Variants in SULF1 observed in about 807,000 individuals in gnomAD.
The protein encoded by SULF1 is extracellular sulfatase Sulf-1.
Under a neutral mutation model 110.5 loss-of-function variants are expected in SULF1, and 46 were observed. The observed-to-expected ratio is 0.42, with a 90% CI of 0.33 to 0.53. SULF1 has a LOEUF of 0.53. SULF1 is among the 20% of genes least tolerant of loss of function. The pLI is 0.12. For synonymous variants in SULF1, 371 were observed against 387.1 expected (o/e 0.96, Z 0.49); for missense variants, 941 against 1,094.2 (o/e 0.86, Z 1.98).
At chr8:69,578,477 A>G (rs947428049) in intron 6 of SULF1, among the ~76,000 whole-genome samples, 2 of 147,474 alleles carry the variant, frequency 1.4e-5, no homozygotes, top group Non-Finnish European at 3.0e-5. Flanking sequence ...AGCATAAGGT[A>G]TATCTCCTAA....
intron 22 of SULF1, among the ~76,000 whole-genome samples, chr8:69,645,105 G>A (rs1221195127): frequency 2.6e-5 from 4 of 152,144 alleles, no homozygotes; most frequent in East Asian, 1.9e-4. Context: ...AGCCAGGGCC[G>A]CTGCGTGCAC....
At chr8:69,592,605 A>G (rs140196534) in intron 8 of SULF1, among the ~76,000 whole-genome samples, 4 of 152,204 alleles carry the variant, frequency 2.6e-5, no homozygotes, top group African/African-American at 9.6e-5. Flanking sequence ...TAAAATGGAG[A>G]TAATACTAAC....
chr8:69,575,794 T>C (rs1225800875), intron 5 of SULF1, among the ~76,000 whole-genome samples, 176 bp from the exon 6 acceptor site: 1 of 152,134 alleles, frequency 6.6e-6, no homozygotes, highest in Non-Finnish European at 1.5e-5. Flanking sequence ...CTTGAGATGG[T>C]AGGATCTCAA....
At position 69,658,253 on chromosome 8, in the gene SULF1, G is replaced by A. The variant is rs75170190; in HGVS notation, c.2586-252G>A. On this transcript the variant is annotated intron_variant, in intron 22 of 22. Transcript: ENST00000402687. Reference sequence around the variant, plus strand: ...CCCAAATCCCCTGGCTGAAAGGACCGTGCCATTTTCAGCACTAACCATGCT... The same window carrying A: ...CCCAAATCCCCTGGCTGAAAGGACCATGCCATTTTCAGCACTAACCATGCT... Among the ~76,000 whole-genome samples, 1,178 of 152,234 alleles carry A rather than the reference G, an allele frequency of 7.7e-3. 15 individuals are homozygous for A. The highest frequency in any genetic ancestry group is 0.026 in the African/African-American group (1,060 of 41,534).
chr8:69,494,021 A>G (rs115738869), intron 1 of SULF1, among the ~76,000 whole-genome samples: 1 of 150,904 alleles, frequency 6.6e-6, no homozygotes, highest in Non-Finnish European at 1.5e-5. Flanking sequence ...ATTTTGGGCA[A>G]TTGTACAATT....
intron 1 of SULF1, among the ~76,000 whole-genome samples, chr8:69,477,245 T>C (rs1809337498): frequency 6.6e-6 from 1 of 152,174 alleles, no homozygotes; most frequent in Non-Finnish European, 1.5e-5. Context: ...ACCTTTTCGA[T>C]GTAAAAACCA....
chr8:69,628,180 T>C lies in SULF1; in HGVS notation c.2052T>C (p.Asn684=), dbSNP rs370172405. 1.9e-6 allele frequency: 3 copies of C among 1,613,034 alleles called. No homozygotes were observed. Among genetic ancestry groups the C allele is most frequent in the African/African-American group, 2.7e-5 (2 of 74,902 alleles). ...ATCTTCTCTCCTGCAGCTATTACAA[T>C]AAAGAGAAAGGTGTAAAAAAGCAAG... The part of the protein sequence containing the change: ...ECSCSKQSYY[N]KEKGVKKQEK... The change falls in exon 18 of 23, where the codon AAT becomes AAC. Residue 684 remains asparagine (N), a synonymous_variant. Coordinates refer to ENST00000402687, the MANE Select transcript of SULF1 (RefSeq NM_001128205.2).
At chr8:69,568,608 T>C (rs1016715498) in intron 5 of SULF1, among the ~76,000 whole-genome samples, 1 of 152,204 alleles carries the variant, frequency 6.6e-6, no homozygotes, top group African/African-American at 2.4e-5. Context: ...AAACAGCCTG[T>C]GGAAAGATGA....
In SULF1 at chr8:69,589,140, A is replaced by G; in HGVS notation, c.733A>G (p.Ile245Val). ...SKLYPNASQH[I>V]TPSYNYAPNM... is the part of the protein sequence containing the mutation. ...ACTGTACCCCAATGCTTCCCAACAC[A>G]TGTAAGTAACAAACTCAACTCTGCG... Residue 245 changes from isoleucine to valine, a missense_variant and splice_region_variant, in exon 8 of 23, where the codon ATA becomes GTA. By Grantham distance (29) the Ile-to-Val change is conservative. Transcript: ENST00000402687. 3 of 1,612,486 alleles carry G rather than the reference A, an allele frequency of 1.9e-6. No individual in the cohort carries two copies. The highest frequency in any genetic ancestry group is 2.5e-6 in the Non-Finnish European group (3 of 1,178,872).
At chr8:69,647,681 C>A (rs1812025958) in intron 22 of SULF1, among the ~76,000 whole-genome samples, 1 of 151,898 alleles carries the variant, frequency 6.6e-6, no homozygotes, top group Admixed American at 6.6e-5. Flanking sequence ...GTGGGCAGAT[C>A]ACCTCGTTCG....
intron 3 of SULF1, among the ~76,000 whole-genome samples, chr8:69,518,553 A>T (rs1586284553): frequency 6.6e-6 from 1 of 152,244 alleles, no homozygotes; most frequent in East Asian, 1.9e-4. Context: ...TCACATGAGG[A>T]TTAGTTGGGC....
At chr8:69,482,382 G>C (rs1473764958) in intron 1 of SULF1, among the ~76,000 whole-genome samples, 3 of 151,880 alleles carry the variant, frequency 2.0e-5, no homozygotes, top group Non-Finnish European at 4.4e-5. Context: ...CATTTCATTT[G>C]GTTTTGACAA....
intron 19 of SULF1, 132 bp from the exon 20 acceptor site, chr8:69,638,370 T>A: frequency 1.8e-6 from 2 of 1,111,714 alleles, no homozygotes; most frequent in South Asian, 1.5e-5. Flanking sequence ...ATTCTTAACA[T>A]GAAACCACAA....
intron 2 of SULF1, among the ~76,000 whole-genome samples, chr8:69,500,973 C>T (rs901950600): frequency 1.3e-5 from 2 of 152,062 alleles, no homozygotes; most frequent in African/African-American, 4.8e-5. Flanking sequence ...CCTGACTCGC[C>T]AAGGCCAGCT....
At chr8:69,473,901 A>G (rs1809195460) in intron 1 of SULF1, among the ~76,000 whole-genome samples, 1 of 152,224 alleles carries the variant, frequency 6.6e-6, no homozygotes, top group South Asian at 2.1e-4. Flanking sequence ...TAGTGTTACT[A>G]ATACATGCAA....
intron 3 of SULF1, among the ~76,000 whole-genome samples, chr8:69,517,031 A>C (rs1167616800): frequency 6.6e-6 from 1 of 152,128 alleles, no homozygotes; most frequent in Non-Finnish European, 1.5e-5. Context: ...ATAGGATACC[A>C]TAGATTAAGT....
At chr8:69,604,259 G>C (rs1373825006) in intron 12 of SULF1, among the ~76,000 whole-genome samples, 1 of 152,132 alleles carries the variant, frequency 6.6e-6, no homozygotes, top group East Asian at 1.9e-4. Flanking sequence ...TCAGACCAGT[G>C]GATTGAGTTT....
chr8:69,583,426 T>C (rs1034952830), intron 6 of SULF1, among the ~76,000 whole-genome samples: 1 of 111,286 alleles, frequency 9.0e-6, no homozygotes, highest in South Asian at 2.8e-4. Context: ...AAAAAAAAAT[T>C]AGCCAGGTGT....
intron 22 of SULF1, among the ~76,000 whole-genome samples, chr8:69,644,512 T>C (rs1448097387): frequency 1.3e-5 from 2 of 152,056 alleles, no homozygotes; most frequent in Admixed American, 1.3e-4. Flanking sequence ...CAACCAAGAA[T>C]TGATCACTCT....
Sources: gnomAD v4.1 joint callset for allele counts (sites outside exome capture counted in the v4.1 genomes callset) on GRCh38, gnomAD v4.1.1 for gene constraint, MANE v1.5 for transcripts, NCBI Gene and HGNC (gene_info 2026-07-23, HGNC 2026-07-21) for gene names.